FSTL5: variants seen among roughly 807,000 people sequenced by gnomAD.
The protein encoded by FSTL5 is follistatin like 5, also known as follistatin-related protein 5.
A neutral mutation model predicts 89.1 loss-of-function variants in FSTL5; 62 were observed. That is an observed-to-expected ratio of 0.70 (90% CI 0.57 to 0.86). The LOEUF is 0.86. Ranked by LOEUF, FSTL5 falls within the 40% of genes least tolerant of loss-of-function variation. FSTL5 has a pLI of 0.00. For synonymous variants in FSTL5, 383 were observed against 346.2 expected, an observed-to-expected ratio of 1.11 and a Z score of -1.18; for missense variants, 1,057 against 1,001.6, an observed-to-expected ratio of 1.06 and a Z score of -0.75.
intron 3 of FSTL5, among the ~76,000 whole-genome samples, chr4:162,018,056 C>T (rs1453165308): frequency 6.6e-6 from 1 of 152,162 alleles, no homozygotes; most frequent in Non-Finnish European, 1.5e-5. Context: ...AGTTGCCCTC[C>T]TCTGGGTCTT....
chr4:161,783,086 C>T (rs1368642865), intron 4 of FSTL5, among the ~76,000 whole-genome samples: 1 of 152,044 alleles, frequency 6.6e-6, no homozygotes, highest in Admixed American at 6.6e-5. Flanking sequence ...CAAAATAAAA[C>T]AAAGCACGAT....
intron 5 of FSTL5, among the ~76,000 whole-genome samples, chr4:161,774,027 C>T (rs1410084078): frequency 2.6e-5 from 4 of 152,056 alleles, no homozygotes; most frequent in East Asian, 3.9e-4. Context: ...TTTGGGAGGA[C>T]GAGACTGGTG....
At chr4:161,851,521 T>C (rs568404050) in intron 4 of FSTL5, among the ~76,000 whole-genome samples, 1 of 152,290 alleles carries the variant, frequency 6.6e-6, no homozygotes, top group Non-Finnish European at 1.5e-5. Flanking sequence ...AGTATGTGTC[T>C]ATATACACTA....
chr4:161,663,137 T>C (rs1736773195), intron 6 of FSTL5, among the ~76,000 whole-genome samples: 1 of 152,088 alleles, frequency 6.6e-6, no homozygotes, highest in South Asian at 2.1e-4. Context: ...GGATTCAAGA[T>C]GAGATTTGGG....
rs114377815 is a variant in FSTL5 at position 161,960,095 on chromosome 4, C to T, written c.161-39443G>A. On this transcript the variant is annotated intron_variant, in intron 3 of 15. Transcript: ENST00000306100. ...CTTAACTGTTTAATTAGCTTGTTTGCTTTTTCAATATTTATTCCTATGCTG... is the reference window on the plus strand; with the variant it reads ...CTTAACTGTTTAATTAGCTTGTTTGTTTTTTCAATATTTATTCCTATGCTG... 3.4e-3 allele frequency among the ~76,000 whole-genome samples: 514 copies of T among 151,140 alleles called. 3 individuals carry two copies. The highest frequency in any genetic ancestry group is 0.012 in the African/African-American group (494 of 41,196).
At chr4:162,043,205 G>C (rs1309663180) in intron 2 of FSTL5, 2 of 152,098 alleles carry the variant, frequency 1.3e-5, no homozygotes, top group African/African-American at 4.8e-5. Flanking sequence ...GTACTACTAA[G>C]CTTTGACACG....
At chr4:161,575,405 G>A (rs566080930) in intron 8 of FSTL5, among the ~76,000 whole-genome samples, 111 of 152,158 alleles carry the variant, frequency 7.3e-4, no homozygotes, top group African/African-American at 2.6e-3. Flanking sequence ...TTTTAGTTAT[G>A]AAGTCTTTGC....
intron 7 of FSTL5, among the ~76,000 whole-genome samples, chr4:161,625,213 T>C (rs1438287885): frequency 6.6e-6 from 1 of 152,140 alleles, no homozygotes; most frequent in Non-Finnish European, 1.5e-5. Flanking sequence ...AGTACAAGCT[T>C]ACTTTGCTTT....
rs534793594 is a variant in FSTL5, at chr4:161,742,282, T to C, written c.727+17129A>G. Among the ~76,000 whole-genome samples, 4 of 152,258 alleles carry C rather than the reference T, an allele frequency of 2.6e-5. No individual in the cohort carries two copies. In the East Asian group the frequency reaches 7.7e-4, roughly 29 times the overall value. On this transcript the variant is annotated intron_variant, in intron 6 of 15. Coordinates refer to ENST00000306100, the MANE Select transcript of FSTL5 (RefSeq NM_020116.5). ...TAGGAAGGATATTCTTGCTGCCCTGTAAAGGGACTGGATTAAGAGTCAACA... is the reference window on the plus strand; with the variant it reads ...TAGGAAGGATATTCTTGCTGCCCTGCAAAGGGACTGGATTAAGAGTCAACA...
At chr4:161,398,784 C>T (rs189070279) in intron 15 of FSTL5, among the ~76,000 whole-genome samples, 1 of 152,044 alleles carries the variant, frequency 6.6e-6, no homozygotes, top group South Asian at 2.1e-4. Flanking sequence ...GGTTATTCCA[C>T]ATATGTCTGC....
intron 3 of FSTL5, among the ~76,000 whole-genome samples, chr4:161,925,730 C>T (rs542738262): frequency 1.3e-5 from 2 of 151,870 alleles, no homozygotes; most frequent in Non-Finnish European, 2.9e-5. Context: ...AGATTTGGTA[C>T]ATAGAACATA....
intron 5 of FSTL5, among the ~76,000 whole-genome samples, chr4:161,771,276 T>C (rs552124434): frequency 2.6e-5 from 4 of 152,240 alleles, no homozygotes; most frequent in South Asian, 2.1e-4. Context: ...ACAAATGATA[T>C]GAAAGTGTAC....
At chr4:161,493,252 GTTA>G (rs1285834261) in intron 12 of FSTL5, among the ~76,000 whole-genome samples, 1 of 151,606 alleles carries the variant, frequency 6.6e-6, no homozygotes, top group Non-Finnish European at 1.5e-5. Flanking sequence ...GAAAGAAAAA[GTTA>G]TTAGAATTGT....
intron 4 of FSTL5, among the ~76,000 whole-genome samples, chr4:161,880,902 T>C (rs544500907): frequency 1.3e-5 from 2 of 152,166 alleles, no homozygotes; most frequent in African/African-American, 4.8e-5. Context: ...AGAGAAGATG[T>C]GATCATAAAG....
intron 10 of FSTL5, among the ~76,000 whole-genome samples, chr4:161,515,033 T>C (rs1213640642): frequency 6.6e-6 from 1 of 152,102 alleles, no homozygotes; most frequent in Non-Finnish European, 1.5e-5. Flanking sequence ...AGATAATGAA[T>C]ACTATGTAGA....
chr4:161,980,483 T>A (rs1023795369), intron 3 of FSTL5, among the ~76,000 whole-genome samples: 1 of 152,088 alleles, frequency 6.6e-6, no homozygotes, highest in Non-Finnish European at 1.5e-5. Flanking sequence ...TTTGCTTTTT[T>A]TTTCCTTCCT....
intron 7 of FSTL5, among the ~76,000 whole-genome samples, chr4:161,651,506 C>T (rs1164839248): frequency 1.3e-5 from 2 of 149,962 alleles, no homozygotes; most frequent in African/African-American, 2.5e-5. Flanking sequence ...CTCTTTGAAA[C>T]AAATATAAGA....
At chr4:161,933,136 A>G (rs1734338393) in intron 3 of FSTL5, among the ~76,000 whole-genome samples, 1 of 152,032 alleles carries the variant, frequency 6.6e-6, no homozygotes, top group Non-Finnish European at 1.5e-5. Flanking sequence ...CGGGTTAGGT[A>G]TATATTTAGA....
chr4:162,098,293 GA>G (rs1052709769), intron 2 of FSTL5, among the ~76,000 whole-genome samples: 1 of 151,914 alleles, frequency 6.6e-6, no homozygotes, highest in African/African-American at 2.4e-5. Flanking sequence ...AAAAAAATCA[GA>G]ACATTGGTTG....
Sources: gnomAD v4.1 joint callset for allele counts (sites outside exome capture counted in the v4.1 genomes callset) on GRCh38, gnomAD v4.1.1 for gene constraint, MANE v1.5 for transcripts, NCBI Gene and HGNC (gene_info 2026-07-23, HGNC 2026-07-21) for gene names.